The following DST variants were observed in gnomAD, a reference collection of about 807,000 sequenced individuals.
The protein encoded by DST is bullous pemphigoid antigen.
Under a neutral mutation model 875.2 loss-of-function variants are expected in DST, and 253 were observed. That is an observed-to-expected ratio of 0.29 (90% CI 0.26 to 0.32). The LOEUF is 0.32. Ranked by LOEUF, DST falls within the 10% of genes least tolerant of loss-of-function variation. The probability of loss-of-function intolerance (pLI) is 1.00; values close to 1 mark genes in which losing one functional copy is unlikely to be tolerated. For missense variants in DST, 8,287 were observed against 9,111.6 expected (o/e 0.91, Z 3.68); for synonymous variants, 3,124 against 3,197.1 (o/e 0.98, Z 0.77).
chr6:56,797,209 A>T (rs183448955), intron 4 of DST, among the ~76,000 whole-genome samples: 1 of 152,046 alleles, frequency 6.6e-6, no homozygotes, highest in Non-Finnish European at 1.5e-5. Context: ...CCACAACCAT[A>T]TAAGACAGTA....
In DST at chr6:56,592,189, TCTTC is replaced by T. The variant is rs746298769; in HGVS notation, c.12892_12895del (p.Glu4298ArgfsTer16). 6.2e-7 allele frequency: 1 copy of T among 1,613,120 alleles called. No homozygotes were observed. Among genetic ancestry groups the T allele is most frequent in the South Asian group, 1.1e-5 (1 of 90,684 alleles). On this transcript the variant is annotated frameshift_variant, in exon 49 of 104. Coordinates refer to ENST00000680361, the MANE Select transcript of DST (RefSeq NM_001374736.1). LOFTEE classifies it high-confidence loss of function. ...CTTTCTCTCGCTTTTTACCTTGGTC[TCTTC>T]TAATTGCCTTTGAAGATTTTTGGGG...
chr6:56,619,884 C>G, intron 36 of DST: 2 of 1,614,098 alleles, frequency 1.2e-6, no homozygotes, highest in East Asian at 2.2e-5. Flanking sequence ...TATGTCAGCT[C>G]TCTCATGTCT....
intron 2 of DST, among the ~76,000 whole-genome samples, chr6:56,940,199 C>T (rs879326145): frequency 0.028 from 2,403 of 86,640 alleles, 61 homozygotes; most frequent in African/African-American, 0.078. Flanking sequence ...CATACACACA[C>T]ACACACACAC....
intron 4 of DST, among the ~76,000 whole-genome samples, chr6:56,779,184 T>G (rs1355278473): frequency 6.6e-6 from 1 of 152,070 alleles, no homozygotes; most frequent in African/African-American, 2.4e-5. Flanking sequence ...AACGTCTTCT[T>G]TTGAGAAGTG....
chr6:56,715,984 G>A (rs903470738), intron 5 of DST, among the ~76,000 whole-genome samples: 1 of 152,074 alleles, frequency 6.6e-6, no homozygotes, highest in Non-Finnish European at 1.5e-5. Context: ...CCAAGTCTAC[G>A]CATTCGTAAA....
chr6:56,490,814 G>A (rs2095711695), intron 85 of DST, among the ~76,000 whole-genome samples: 1 of 152,134 alleles, frequency 6.6e-6, no homozygotes, highest in Non-Finnish European at 1.5e-5. Context: ...AAGTTCTGAG[G>A]CTGGTTCTGC....
chr6:56,843,664 C>G, intron 4 of DST: 1 of 983,154 alleles, frequency 1.0e-6, no homozygotes, highest in Non-Finnish European at 1.2e-6. Context: ...TCCTGGCCGC[C>G]GCGCCGCAGA....
intron 4 of DST, among the ~76,000 whole-genome samples, chr6:56,797,556 G>A (rs751267401): frequency 2.0e-5 from 3 of 152,160 alleles, no homozygotes; most frequent in Non-Finnish European, 2.9e-5. Context: ...ACTCCAGGCT[G>A]GGCATGGTGG....
chr6:56,886,773 T>A (rs1454560396), intron 3 of DST, among the ~76,000 whole-genome samples: 1 of 116,388 alleles, frequency 8.6e-6, no homozygotes. Context: ...TGAAACTCAG[T>A]CTCAAAAAAA....
chr6:56,797,842 C>T (rs1322788519), intron 4 of DST, among the ~76,000 whole-genome samples: 2 of 144,984 alleles, frequency 1.4e-5, no homozygotes, highest in Non-Finnish European at 1.5e-5. Context: ...AAAAAAGCTA[C>T]TCCAGTGAAT....
chr6:56,923,633 C>A, intron 2 of DST, among the ~76,000 whole-genome samples: 1 of 152,012 alleles, frequency 6.6e-6, no homozygotes, highest in African/African-American at 2.4e-5. Flanking sequence ...ATGTTTTAGT[C>A]CAAAAGCCAT....
intron 2 of DST, among the ~76,000 whole-genome samples, chr6:56,944,387 C>G (rs369254126): frequency 6.6e-6 from 1 of 151,198 alleles, no homozygotes; most frequent in Non-Finnish European, 1.5e-5. Context: ...TACTACGAGG[C>G]GGGAGTCATG....
At chr6:56,592,112 C>G in intron 49 of DST, 70 bp downstream of exon 49, 1 of 1,420,766 alleles carries the variant, frequency 7.0e-7, no homozygotes, top group Non-Finnish European at 9.7e-7. Context: ...GAAACTATCA[C>G]AAAAGTGTGA....
rs2098828502 is a variant in DST at position 56,636,584 on chromosome 6, G to A, written c.3033C>T (p.His1011=). The change falls in exon 23 of 104, where the codon CAC becomes CAT. Residue 1011 remains histidine, a synonymous_variant. Transcript: ENST00000680361. ...ILQLCQCVEQ[H]IKENTAYFEF... ...CGAAATACGCTGTGTTCTCCTTTAT[G>A]TGCTGCTCCACACACTGGCAGAGCT... 4 of 1,613,256 alleles carry A rather than the reference G, an allele frequency of 2.5e-6. No homozygotes were observed. The highest frequency in any genetic ancestry group is 3.3e-4 in the Middle Eastern group (2 of 6,062).
intron 28 of DST, 55 bp downstream of exon 28, chr6:56,632,799 A>G (rs1204754996): frequency 1.3e-6 from 2 of 1,496,162 alleles, no homozygotes; most frequent in Non-Finnish European, 1.9e-6. Context: ...AGAGCAAAAA[A>G]TAGCCAGAAC....
At chr6:56,466,259 T>C in intron 98 of DST, 64 bp from the exon 99 acceptor site, 1 of 1,167,408 alleles carries the variant, frequency 8.6e-7, no homozygotes, top group Non-Finnish European at 1.2e-6. Flanking sequence ...CAGGATGATG[T>C]GCAATTTGCA....
chr6:56,591,723 A>G (rs1047941264), intron 49 of DST, among the ~76,000 whole-genome samples: 15 of 152,294 alleles, frequency 9.8e-5, no homozygotes, highest in African/African-American at 3.6e-4. Context: ...CTGTAATCCC[A>G]GCACTTTGGG....
At chr6:56,514,072 C>A (rs2096540367) in intron 72 of DST, among the ~76,000 whole-genome samples, 1 of 152,164 alleles carries the variant, frequency 6.6e-6, no homozygotes, top group African/African-American at 2.4e-5. Flanking sequence ...TTTATACAGA[C>A]AATCACAAAT....
intron 3 of DST, 140 bp downstream of exon 3, chr6:56,900,281 T>C: frequency 1.6e-6 from 1 of 639,068 alleles, no homozygotes; most frequent in South Asian, 1.7e-5. Flanking sequence ...CTGAAACTCA[T>C]ATGAGTACGC....
Sources: gnomAD v4.1 joint callset for allele counts (sites outside exome capture counted in the v4.1 genomes callset) on GRCh38, gnomAD v4.1.1 for gene constraint, MANE v1.5 for transcripts, NCBI Gene and HGNC (gene_info 2026-07-23, HGNC 2026-07-21) for gene names.